The following PPP6R3 variants were observed in gnomAD, a reference collection of about 807,000 sequenced individuals.
PPP6R3 encodes serine/threonine-protein phosphatase 6 regulatory subunit 3.
PPP6R3 carries 38 observed loss-of-function variants against 110.7 expected under a neutral mutation model. The ratio of observed to expected loss-of-function variants is 0.34; its 90% CI spans 0.26 to 0.45. PPP6R3 has a LOEUF of 0.45. Ranked by LOEUF, PPP6R3 falls within the 20% of genes least tolerant of loss-of-function variation. PPP6R3 has a pLI of 1.00. For synonymous variants in PPP6R3, 369 were observed against 373.5 expected, an observed-to-expected ratio of 0.99 and a Z score of 0.14; for missense variants, 870 against 1,062.4, an observed-to-expected ratio of 0.82 and a Z score of 2.52.
At chr11:68,469,473 A>G (rs2098773581) in intron 1 of PPP6R3, among the ~76,000 whole-genome samples, 1 of 151,994 alleles carries the variant, frequency 6.6e-6, no homozygotes, top group Non-Finnish European at 1.5e-5. Flanking sequence ...TCCCTGGCTG[A>G]AACGATTCTC....
At chr11:68,600,934 A>T (rs2099629904) in intron 20 of PPP6R3, among the ~76,000 whole-genome samples, 1 of 152,172 alleles carries the variant, frequency 6.6e-6, no homozygotes, top group Non-Finnish European at 1.5e-5. Flanking sequence ...GATAATATGA[A>T]CTTACAGTTC....
At chr11:68,480,438 G>A (rs1256482777) in intron 1 of PPP6R3, among the ~76,000 whole-genome samples, 1 of 152,212 alleles carries the variant, frequency 6.6e-6, no homozygotes, top group Non-Finnish European at 1.5e-5. Context: ...GAACAGAATG[G>A]ATAATATTCT....
At chr11:68,478,934 G>T (rs1371380400) in intron 1 of PPP6R3, among the ~76,000 whole-genome samples, 2 of 152,028 alleles carry the variant, frequency 1.3e-5, no homozygotes, top group Non-Finnish European at 2.9e-5. Context: ...GGGATTACAG[G>T]CATGAGCCAC....
At chr11:68,520,771 G>T (rs955205923) in intron 2 of PPP6R3, among the ~76,000 whole-genome samples, 3 of 151,934 alleles carry the variant, frequency 2.0e-5, no homozygotes, top group African/African-American at 7.3e-5. Flanking sequence ...GAGTTTTTTT[G>T]TTTGTTTGTT....
At chr11:68,467,200 G>T (rs561494401) in intron 1 of PPP6R3, among the ~76,000 whole-genome samples, 2 of 152,222 alleles carry the variant, frequency 1.3e-5, no homozygotes, top group Admixed American at 6.5e-5. Context: ...ATTAAAGTTC[G>T]ATAGGTTCTG....
intron 1 of PPP6R3, among the ~76,000 whole-genome samples, chr11:68,491,570 G>C (rs759003442): frequency 1.3e-5 from 2 of 151,996 alleles, no homozygotes; most frequent in Non-Finnish European, 2.9e-5. Context: ...GGCTGGTCCT[G>C]AACTTCTGGG....
chr11:68,550,989 G>C, intron 5 of PPP6R3, 132 bp from the exon 6 acceptor site: 1 of 629,000 alleles, frequency 1.6e-6, no homozygotes. Flanking sequence ...ATTTTCTGTA[G>C]TGTTCAAAGT....
chr11:68,557,694 T>C (rs2099404871), intron 7 of PPP6R3, among the ~76,000 whole-genome samples: 2 of 151,992 alleles, frequency 1.3e-5, no homozygotes, highest in South Asian at 4.2e-4. Flanking sequence ...AATTTTTGTG[T>C]TTTTTAGTAG....
chr11:68,572,389 A>G (rs1172220480), intron 12 of PPP6R3, among the ~76,000 whole-genome samples: 1 of 152,118 alleles, frequency 6.6e-6, no homozygotes, highest in Non-Finnish European at 1.5e-5. Context: ...TTCCTTGCAC[A>G]ACAGCCTGAA....
At chr11:68,590,599 AC>A (rs1390514369) in intron 16 of PPP6R3, 60 bp from the exon 17 acceptor site, 14 of 1,467,960 alleles carry the variant, frequency 9.5e-6, no homozygotes, top group Non-Finnish European at 1.2e-5. Context: ...TTTCATAAAT[AC>A]GGTTTCTGTG....
chr11:68,475,699 C>T (rs1169760260), intron 1 of PPP6R3, among the ~76,000 whole-genome samples: 6 of 143,706 alleles, frequency 4.2e-5, no homozygotes, highest in African/African-American at 1.5e-4. Flanking sequence ...ACCTCCCTCC[C>T]GGACGGGGTG....
intron 16 of PPP6R3, among the ~76,000 whole-genome samples, chr11:68,588,724 C>T (rs1360573912): frequency 1.3e-5 from 2 of 148,180 alleles, no homozygotes; most frequent in Non-Finnish European, 3.0e-5. Flanking sequence ...GGATTACAGG[C>T]GTGAGTCACT....
intron 1 of PPP6R3, among the ~76,000 whole-genome samples, chr11:68,506,852 A>G (rs1235508099): frequency 6.6e-6 from 1 of 152,150 alleles, no homozygotes; most frequent in Non-Finnish European, 1.5e-5. Flanking sequence ...TGGAAGTTTC[A>G]GCTTTTACAT....
intron 2 of PPP6R3, among the ~76,000 whole-genome samples, chr11:68,533,893 C>T (rs370339096): frequency 1.3e-5 from 2 of 152,096 alleles, no homozygotes; most frequent in East Asian, 3.8e-4. Flanking sequence ...GGCTCTGCTA[C>T]AGGAATGTTG....
intron 6 of PPP6R3, among the ~76,000 whole-genome samples, 192 bp downstream of exon 6, chr11:68,551,378 A>G (rs1040177729): frequency 6.6e-6 from 1 of 152,240 alleles, no homozygotes; most frequent in Non-Finnish European, 1.5e-5. Flanking sequence ...GAAAATTTCC[A>G]GAAGTGTACA....
chr11:68,593,690 C>T (rs1208045663), intron 18 of PPP6R3, among the ~76,000 whole-genome samples: 1 of 152,170 alleles, frequency 6.6e-6, no homozygotes, highest in African/African-American at 2.4e-5. Flanking sequence ...CCTAAATAAC[C>T]ATGTGAAACA....
chr11:68,615,257 T>C lies in PPP6R3; in HGVS notation c.*2140T>C, dbSNP rs73508108. 2,538 of 367,422 alleles carry C rather than the reference T, an allele frequency of 6.9e-3. 55 individuals carry two copies. The highest frequency in any genetic ancestry group is 0.049 in the African/African-American group (2,297 of 47,228). 22.8% of individuals were successfully genotyped at this position (367,422 alleles called of 1,614,324 possible). On this transcript the variant is annotated 3_prime_UTR_variant, in exon 24 of 24. Transcript: ENST00000393800. The stretch of plus-strand genomic sequence containing the variant: ...TCTGTGTGTTGGCCATACTGAATTA[T>C]GAGACTAACAGATGTCTACAATACA...
intron 1 of PPP6R3, among the ~76,000 whole-genome samples, chr11:68,491,598 C>T (rs2098984755): frequency 6.6e-6 from 1 of 152,048 alleles, no homozygotes; most frequent in African/African-American, 2.4e-5. Context: ...AGTCCTCCTA[C>T]TTCAGCCTCC....
intron 22 of PPP6R3, among the ~76,000 whole-genome samples, chr11:68,608,465 A>G (rs1941580723): frequency 6.6e-6 from 1 of 152,248 alleles, no homozygotes. Context: ...GGTGAGGAAT[A>G]CAGACCAGGG....
Sources: gnomAD v4.1 joint callset for allele counts (sites outside exome capture counted in the v4.1 genomes callset) on GRCh38, gnomAD v4.1.1 for gene constraint, MANE v1.5 for transcripts, NCBI Gene and HGNC (gene_info 2026-07-23, HGNC 2026-07-21) for gene names.